Variants in CERS3 observed in about 807,000 individuals in gnomAD.
The protein encoded by CERS3 is ceramide synthase 3, also known as LAG1 homolog, ceramide synthase 3.
A neutral mutation model predicts 50.3 loss-of-function variants in CERS3; 33 were observed. The ratio of observed to expected loss-of-function variants is 0.66; its 90% CI spans 0.50 to 0.88. CERS3 has a LOEUF of 0.88. Ranked by LOEUF, CERS3 falls within the 40% of genes least tolerant of loss-of-function variation. The pLI, the probability that CERS3 is intolerant of heterozygous loss-of-function variation, is 0.00. For synonymous variants in CERS3, 176 were observed against 155.2 expected (o/e 1.13, Z -0.99); for missense variants, 470 against 460.3 (o/e 1.02, Z -0.19).
At chr15:100,463,272 T>C (rs995202161) in intron 10 of CERS3, among the ~76,000 whole-genome samples, 3 of 151,676 alleles carry the variant, frequency 2.0e-5, no homozygotes, top group Non-Finnish European at 4.4e-5. Context: ...CCGTTTCTAC[T>C]AAAAATACAA....
rs964186884 is a variant in CERS3 at position 100,417,509 on chromosome 15, C to T, written c.1000-14644G>A. Among the ~76,000 whole-genome samples, 1,178 of 152,066 alleles carry T rather than the reference C, an allele frequency of 7.7e-3. 12 individuals carry two copies. Among genetic ancestry groups the T allele is most frequent in the South Asian group, 0.013 (61 of 4,816 alleles). On this transcript the variant is annotated intron_variant, in intron 11 of 11. Transcript: ENST00000679737. ...GGCAGCAGCGAGGCTGGGGGAGGGGCGCCCGCCATTGCCCAGGCTTGCTTA... is the reference window on the plus strand; with the variant it reads ...GGCAGCAGCGAGGCTGGGGGAGGGGTGCCCGCCATTGCCCAGGCTTGCTTA...
At chr15:100,523,614 T>A (rs2036701312) in intron 1 of CERS3, among the ~76,000 whole-genome samples, 1 of 145,308 alleles carries the variant, frequency 6.9e-6, no homozygotes, top group South Asian at 2.1e-4. Context: ...GGCAGGAGAA[T>A]GGCAGGAACC....
chr15:100,427,676 G>A (rs955091895), intron 11 of CERS3, among the ~76,000 whole-genome samples: 1 of 152,154 alleles, frequency 6.6e-6, no homozygotes, highest in Non-Finnish European at 1.5e-5. Flanking sequence ...GATGAAGATT[G>A]GGAAGTACTG....
At chr15:100,441,743 G>A (rs998404341) in intron 11 of CERS3, among the ~76,000 whole-genome samples, 10 of 151,932 alleles carry the variant, frequency 6.6e-5, no homozygotes, top group South Asian at 6.2e-4. Flanking sequence ...AATTCTTTTC[G>A]TAAAATAGGC....
At chr15:100,516,836 C>T (rs1181728100) in intron 2 of CERS3, among the ~76,000 whole-genome samples, 3 of 152,196 alleles carry the variant, frequency 2.0e-5, no homozygotes. Context: ...TGGTTCCAAG[C>T]TTTCCAAAGA....
chr15:100,441,159 C>T (rs1462517440), intron 11 of CERS3, among the ~76,000 whole-genome samples: 2 of 151,898 alleles, frequency 1.3e-5, no homozygotes, highest in Non-Finnish European at 2.9e-5. Flanking sequence ...TATCTCTGTG[C>T]CTCAATCTCT....
chr15:100,408,791 T>G (rs1441156873), intron 11 of CERS3: 2 of 152,186 alleles, frequency 1.3e-5, no homozygotes, highest in Non-Finnish European at 2.9e-5. Flanking sequence ...ATAACAGTAA[T>G]AGCAATGACA....
intron 11 of CERS3, among the ~76,000 whole-genome samples, chr15:100,450,088 AT>A (rs35296915): frequency 0.51 from 77,375 of 151,878 alleles, 20,093 homozygotes; most frequent in Non-Finnish European, 0.57. Context: ...TAAAGAATTC[AT>A]TTGAATGAAA....
At chr15:100,491,677 C>T (rs1216454701) in intron 3 of CERS3, among the ~76,000 whole-genome samples, 1 of 152,076 alleles carries the variant, frequency 6.6e-6, no homozygotes, top group Non-Finnish European at 1.5e-5. Flanking sequence ...GGTCTTTCTT[C>T]ATTTTAAATA....
chr15:100,476,511 G>A (rs1371303215), intron 7 of CERS3, among the ~76,000 whole-genome samples: 1 of 152,022 alleles, frequency 6.6e-6, no homozygotes, highest in Non-Finnish European at 1.5e-5. Context: ...AGGAACAATG[G>A]GAAGTCTTTT....
intron 10 of CERS3, among the ~76,000 whole-genome samples, chr15:100,462,036 A>G (rs371910489): frequency 4.4e-4 from 67 of 152,350 alleles, no homozygotes; most frequent in African/African-American, 1.5e-3. Flanking sequence ...ACACACGTGC[A>G]TACATGTGTG....
chr15:100,443,851 TA>T (rs1431722143), intron 11 of CERS3, among the ~76,000 whole-genome samples: 7 of 152,164 alleles, frequency 4.6e-5, no homozygotes, highest in Non-Finnish European at 8.8e-5. Context: ...CTTTCACCTT[TA>T]GATACCTGGT....
chr15:100,464,647 T>A (rs1299785126), intron 10 of CERS3, among the ~76,000 whole-genome samples: 3 of 152,212 alleles, frequency 2.0e-5, no homozygotes, highest in African/African-American at 4.8e-5. Flanking sequence ...TCTCTGTGAG[T>A]ATTTGGATAA....
intron 10 of CERS3, among the ~76,000 whole-genome samples, chr15:100,464,246 CTTT>C (rs1567636386): frequency 6.6e-6 from 1 of 152,248 alleles, no homozygotes; most frequent in African/African-American, 2.4e-5. Context: ...TTGTATTTTT[CTTT>C]TTGAGACATC....
intron 11 of CERS3, among the ~76,000 whole-genome samples, chr15:100,441,330 C>T (rs950471368): frequency 5.9e-5 from 9 of 151,648 alleles, no homozygotes; most frequent in East Asian, 5.8e-4. Context: ...CTCTGTGCCC[C>T]GATCCCTTAT....
chr15:100,501,411 G>T (rs1012943405), intron 3 of CERS3, among the ~76,000 whole-genome samples: 1 of 152,186 alleles, frequency 6.6e-6, no homozygotes, highest in Non-Finnish European at 1.5e-5. Flanking sequence ...AAGCTCTGTG[G>T]TCCGCAACCT....
chr15:100,413,280 G>T (rs2031626309), intron 11 of CERS3, among the ~76,000 whole-genome samples: 1 of 152,050 alleles, frequency 6.6e-6, no homozygotes, highest in South Asian at 2.1e-4. Flanking sequence ...AAAATTCTCT[G>T]GGATTTTAAG....
intron 11 of CERS3, among the ~76,000 whole-genome samples, chr15:100,424,308 C>T (rs768754902): frequency 2.0e-5 from 3 of 152,124 alleles, no homozygotes; most frequent in Non-Finnish European, 4.4e-5. Context: ...TGGGCCCTTG[C>T]TATAAAGATA....
intron 3 of CERS3, among the ~76,000 whole-genome samples, chr15:100,495,147 C>A (rs1485623756): frequency 6.6e-6 from 1 of 152,184 alleles, no homozygotes; most frequent in African/African-American, 2.4e-5. Flanking sequence ...CAGATAGTGA[C>A]AGTCCCCTGA....
Sources: gnomAD v4.1 joint callset for allele counts (sites outside exome capture counted in the v4.1 genomes callset) on GRCh38, gnomAD v4.1.1 for gene constraint, MANE v1.5 for transcripts, NCBI Gene and HGNC (gene_info 2026-07-23, HGNC 2026-07-21) for gene names.